The following ZNF804B variants were observed in gnomAD, a reference collection of about 807,000 sequenced individuals.
ZNF804B encodes zinc finger 804B.
Under a neutral mutation model 101.4 loss-of-function variants are expected in ZNF804B, and 80 were observed. The ratio of observed to expected loss-of-function variants is 0.79; its 90% confidence interval spans 0.66 to 0.95. The LOEUF is 0.95. ZNF804B is among the 40% of genes least tolerant of loss of function. The pLI is 0.00. For synonymous variants in ZNF804B, 622 were observed against 558.8 expected (o/e 1.11, Z -1.59); for missense variants, 1,673 against 1,561.9 (o/e 1.07, Z -1.20).
intron 1 of ZNF804B, among the ~76,000 whole-genome samples, chr7:88,840,516 T>A (rs535235178): frequency 5.9e-5 from 9 of 152,264 alleles, no homozygotes; most frequent in African/African-American, 2.2e-4. Context: ...TTTTGAGTAA[T>A]CTCCTTAAAA....
chr7:89,209,208 G>T (rs1788765992), intron 1 of ZNF804B, among the ~76,000 whole-genome samples: 1 of 143,918 alleles, frequency 6.9e-6, no homozygotes, highest in African/African-American at 2.6e-5. Flanking sequence ...AAACAATGCT[G>T]AGTTGTCCCT....
intron 1 of ZNF804B, among the ~76,000 whole-genome samples, chr7:88,891,421 A>C (rs1048985550): frequency 2.6e-5 from 4 of 151,890 alleles, no homozygotes; most frequent in African/African-American, 9.7e-5. Context: ...CTTTTATATA[A>C]TTTTCTACCC....
At chr7:89,301,410 A>G (rs1790472441) in intron 2 of ZNF804B, among the ~76,000 whole-genome samples, 2 of 151,588 alleles carry the variant, frequency 1.3e-5, no homozygotes, top group Non-Finnish European at 3.0e-5. Context: ...TGTGAACCCT[A>G]TGCACCACCA....
intron 1 of ZNF804B, among the ~76,000 whole-genome samples, chr7:89,134,107 C>A (rs1187000140): frequency 6.6e-6 from 1 of 151,892 alleles, no homozygotes; most frequent in African/African-American, 2.4e-5. Flanking sequence ...ACACTGTCCC[C>A]AACAAAAACA....
intron 2 of ZNF804B, among the ~76,000 whole-genome samples, chr7:89,220,762 G>A (rs1459303493): frequency 2.0e-5 from 3 of 151,814 alleles, no homozygotes; most frequent in Admixed American, 1.3e-4. Flanking sequence ...ATTGAAATTA[G>A]GATCCCTAAA....
chr7:89,161,535 A>G (rs1791061344), intron 1 of ZNF804B, among the ~76,000 whole-genome samples: 1 of 97,336 alleles, frequency 1.0e-5, no homozygotes, highest in East Asian at 2.4e-4. Flanking sequence ...TCACCCAGGT[A>G]ATGTTCTGTT....
At chr7:88,960,777 G>T (rs986950200) in intron 1 of ZNF804B, among the ~76,000 whole-genome samples, 2 of 151,226 alleles carry the variant, frequency 1.3e-5, no homozygotes, top group Non-Finnish European at 3.0e-5. Flanking sequence ...TTACTTACAT[G>T]ATATAATTAG....
intron 2 of ZNF804B, among the ~76,000 whole-genome samples, chr7:89,247,874 G>A (rs537907884): frequency 5.8e-4 from 88 of 152,196 alleles, no homozygotes; most frequent in African/African-American, 2.1e-3. Flanking sequence ...TTCAGGAAAG[G>A]AAAGAAGAGA....
chr7:89,245,735 G>A (rs1789433944), intron 2 of ZNF804B, among the ~76,000 whole-genome samples: 1 of 152,126 alleles, frequency 6.6e-6, no homozygotes, highest in Non-Finnish European at 1.5e-5. Flanking sequence ...GAAAGACAAT[G>A]GGAATCCACC....
chr7:88,928,432 T>G (rs1244692538), intron 1 of ZNF804B, among the ~76,000 whole-genome samples: 1 of 152,162 alleles, frequency 6.6e-6, no homozygotes, highest in African/African-American at 2.4e-5. Context: ...AAGCAATAAG[T>G]AAGAGACTTT....
At chr7:88,920,527 A>G in intron 1 of ZNF804B, among the ~76,000 whole-genome samples, 1 of 152,054 alleles carries the variant, frequency 6.6e-6, no homozygotes, top group East Asian at 1.9e-4. Flanking sequence ...TCTTAAACTT[A>G]GTTTATCATC....
chr7:89,269,977 T>C (rs2115835536), intron 2 of ZNF804B, among the ~76,000 whole-genome samples: 1 of 152,308 alleles, frequency 6.6e-6, no homozygotes, highest in South Asian at 2.1e-4. Flanking sequence ...CTTTGTCAGA[T>C]GAGTAGATTG....
At chr7:89,059,631 C>T (rs758290429) in intron 1 of ZNF804B, among the ~76,000 whole-genome samples, 15 of 152,078 alleles carry the variant, frequency 9.9e-5, no homozygotes, top group Non-Finnish European at 2.2e-4. Context: ...AGAAGGGGCA[C>T]ACATCCAGAC....
intron 1 of ZNF804B, among the ~76,000 whole-genome samples, chr7:88,801,399 A>G (rs1790580456): frequency 6.6e-6 from 1 of 152,106 alleles, no homozygotes; most frequent in African/African-American, 2.4e-5. Flanking sequence ...GAGAATCATG[A>G]GAATTTCCTG....
At chr7:89,192,495 A>G (rs1385863049) in intron 1 of ZNF804B, among the ~76,000 whole-genome samples, 1 of 152,134 alleles carries the variant, frequency 6.6e-6, no homozygotes, top group Non-Finnish European at 1.5e-5. Context: ...AATATAGTGC[A>G]TGTTCTATGA....
intron 2 of ZNF804B, among the ~76,000 whole-genome samples, chr7:89,223,925 C>G (rs1789042144): frequency 6.6e-6 from 1 of 151,884 alleles, no homozygotes. Context: ...AATGTGTATA[C>G]AAATTATAAT....
At chr7:89,102,321 T>C (rs144141789) in intron 1 of ZNF804B, among the ~76,000 whole-genome samples, 70 of 152,080 alleles carry the variant, frequency 4.6e-4, no homozygotes, top group Non-Finnish European at 8.8e-4. Flanking sequence ...TTTTTCTTCA[T>C]ATCTGTGCCA....
rs566532892 is a variant in ZNF804B at position 89,071,598 on chromosome 7, A to AG, written c.109-146556dup. 2.0e-4 allele frequency among the ~76,000 whole-genome samples: 31 copies of AG among 152,272 alleles called. 2 individuals carry two copies. The South Asian group carries it at 6.2e-3, about 31-fold the overall frequency. On this transcript the variant is annotated intron_variant, in intron 1 of 3. Transcript: ENST00000333190. Reference sequence around the variant, plus strand: ...ATGTCCAATTCCATCACTAACTTATAGCCTATTTTCTGACTCATTCAATTA... The same window carrying AG: ...ATGTCCAATTCCATCACTAACTTATAGGCCTATTTTCTGACTCATTCAATTA...
In ZNF804B at chr7:88,831,992, C is replaced by A. The variant is rs1276811098; in HGVS notation, c.108+71908C>A. On this transcript the variant is annotated intron_variant, in intron 1 of 3. Coordinates refer to ENST00000333190, the MANE Select transcript of ZNF804B (RefSeq NM_181646.5). ...GAAAATTACACATATTATGTATACA[C>A]CTGAAGGAAAGCCTTTTTCTAATTC... Among the ~76,000 whole-genome samples, 3 of 151,484 alleles carry A rather than the reference C, an allele frequency of 2.0e-5. No homozygotes were observed. The East Asian group carries it at 5.8e-4, about 29-fold the overall frequency.
Sources: gnomAD v4.1 joint callset for allele counts (sites outside exome capture counted in the v4.1 genomes callset) on GRCh38, gnomAD v4.1.1 for gene constraint, MANE v1.5 for transcripts, NCBI Gene and HGNC (gene_info 2026-07-23, HGNC 2026-07-21) for gene names.